Variants in BTBD9 observed in about 807,000 individuals in gnomAD.
BTBD9 encodes the protein BTB domain containing 9.
BTBD9 carries 49 observed loss-of-function variants against 64.3 expected under a neutral mutation model. The observed-to-expected ratio is 0.76, with a 90% CI of 0.61 to 0.97. The LOEUF is 0.97. Among genes scored for constraint, BTBD9 ranks in the 50% least tolerant of loss-of-function variants. The pLI is 0.00. For missense variants in BTBD9, 598 were observed against 762.1 expected (o/e 0.78, Z 2.53); for synonymous variants, 260 against 274.7 (o/e 0.95, Z 0.53).
intron 9 of BTBD9, among the ~76,000 whole-genome samples, chr6:38,235,302 G>C (rs1763739901): frequency 6.6e-6 from 1 of 152,184 alleles, no homozygotes; most frequent in African/African-American, 2.4e-5. Flanking sequence ...CAGTAAAATG[G>C]GAGTCTTGAG....
At chr6:38,521,770 G>A (rs1033074511) in intron 6 of BTBD9, among the ~76,000 whole-genome samples, 1 of 151,904 alleles carries the variant, frequency 6.6e-6, no homozygotes, top group Non-Finnish European at 1.5e-5. Context: ...TGCCTCCTGC[G>A]TTTAAGCAAT....
chr6:38,194,534 A>G (rs9470825), intron 9 of BTBD9, among the ~76,000 whole-genome samples: 102,040 of 152,136 alleles, frequency 0.67, 35,342 homozygotes, highest in Non-Finnish European at 0.73. Context: ...CTTTTAGCTC[A>G]ATGCCTGTCA....
intron 7 of BTBD9, among the ~76,000 whole-genome samples, chr6:38,301,577 GT>G (rs1762405162): frequency 6.6e-6 from 1 of 152,094 alleles, no homozygotes; most frequent in South Asian, 2.1e-4. Flanking sequence ...CTTCTTCCTG[GT>G]TTAGTCTTGG....
At chr6:38,395,835 G>A (rs984465994) in intron 6 of BTBD9, among the ~76,000 whole-genome samples, 4 of 151,728 alleles carry the variant, frequency 2.6e-5, no homozygotes, top group Non-Finnish European at 4.4e-5. Context: ...TCAGCCTCTC[G>A]AGTAGCTGGG....
chr6:38,443,965 T>A (rs1769157706), intron 6 of BTBD9, among the ~76,000 whole-genome samples: 1 of 152,174 alleles, frequency 6.6e-6, no homozygotes, highest in African/African-American at 2.4e-5. Context: ...GTTTCCTGCC[T>A]CTACAGGCTG....
rs541774965 is a variant in BTBD9, at chr6:38,435,151, A to G, written c.1155-90058T>C. Reference sequence around the variant, plus strand: ...AGAGGTTGCAGTGAGCTGAGATTGTACCACTGCACTCTAGCCTGGGCAACA... The same window carrying G: ...AGAGGTTGCAGTGAGCTGAGATTGTGCCACTGCACTCTAGCCTGGGCAACA... On this transcript the variant is annotated intron_variant, in intron 6 of 10. Coordinates refer to ENST00000481247, the MANE Select transcript of BTBD9 (RefSeq NM_001099272.2). Among the ~76,000 whole-genome samples the G allele has an allele frequency of 9.4e-4, 122 of 129,634 alleles. 3 individuals carry two copies. Among genetic ancestry groups the G allele is most frequent in the African/African-American group, 3.6e-3 (120 of 33,376 alleles). The allele number at this position is 129,634 out of a possible 152,430, so 85.0% of individuals were successfully genotyped here. A position where few individuals can be genotyped will look rare whatever the true frequency, so the allele number is the denominator to read the frequency against.
chr6:38,218,140 C>T (rs1405926340), intron 9 of BTBD9, among the ~76,000 whole-genome samples: 1 of 152,166 alleles, frequency 6.6e-6, no homozygotes, highest in Non-Finnish European at 1.5e-5. Context: ...ACCAGTATGT[C>T]ATACCTCTGG....
At chr6:38,633,430 T>C (rs1328876161) in intron 1 of BTBD9, among the ~76,000 whole-genome samples, 2 of 152,178 alleles carry the variant, frequency 1.3e-5, no homozygotes, top group South Asian at 2.1e-4. Context: ...AAACAGTATA[T>C]AGAAAGGGCC....
chr6:38,566,314 GAAGTC>G (rs144150098), intron 6 of BTBD9, among the ~76,000 whole-genome samples: 12,479 of 152,138 alleles, frequency 0.082, 578 homozygotes, highest in East Asian at 0.26. Flanking sequence ...AAATCTTAAA[GAAGTC>G]AAGTATATGA....
intron 6 of BTBD9, among the ~76,000 whole-genome samples, chr6:38,444,361 A>G (rs562396492): frequency 1.4e-4 from 21 of 152,360 alleles, no homozygotes; most frequent in African/African-American, 4.8e-4. Flanking sequence ...TAAAAGAATC[A>G]TATGGCTGGA....
chr6:38,346,690 A>C (rs919546919), intron 6 of BTBD9, among the ~76,000 whole-genome samples: 3 of 152,080 alleles, frequency 2.0e-5, no homozygotes, highest in Non-Finnish European at 4.4e-5. Flanking sequence ...ATTGTCCTTC[A>C]CTTTGGCAGT....
chr6:38,531,333 G>A (rs1344484919), intron 6 of BTBD9, among the ~76,000 whole-genome samples: 1 of 152,156 alleles, frequency 6.6e-6, no homozygotes, highest in African/African-American at 2.4e-5. Flanking sequence ...CTAAAACAGT[G>A]TACTCAGCAA....
In BTBD9 at chr6:38,168,520, C is replaced by T. The variant is rs140742704; in HGVS notation, c.*6465G>A. The T allele has an allele frequency of 1.6e-3, 247 of 152,398 alleles. No individual in the cohort carries two copies. The Middle Eastern group carries it at 0.02, about 13-fold the overall frequency. 9.4% of individuals were successfully genotyped at this position (152,398 alleles called of 1,614,324 possible). A position where few individuals can be genotyped will look rare whatever the true frequency, so the allele number is the denominator to read the frequency against. On this transcript the variant is annotated 3_prime_UTR_variant, in exon 11 of 11. Coordinates refer to ENST00000481247, the MANE Select transcript of BTBD9 (RefSeq NM_001099272.2). Reference sequence around the variant, plus strand: ...TTCACACACATGGACTCAGGGGTTTCGAACACACGGTTTGTACATCTGCCC... The same window carrying T: ...TTCACACACATGGACTCAGGGGTTTTGAACACACGGTTTGTACATCTGCCC...
At chr6:38,286,807 C>T (rs149967171) in intron 8 of BTBD9, among the ~76,000 whole-genome samples, 6 of 152,114 alleles carry the variant, frequency 3.9e-5, no homozygotes, top group South Asian at 4.2e-4. Context: ...GTTGGCTGGG[C>T]GCCATGGCTC....
intron 9 of BTBD9, among the ~76,000 whole-genome samples, chr6:38,223,374 T>C (rs1024949128): frequency 6.6e-6 from 1 of 152,134 alleles, no homozygotes; most frequent in Non-Finnish European, 1.5e-5. Flanking sequence ...TCACTCTGTG[T>C]CCCAGGCTAG....
At chr6:38,557,687 T>C (rs1289306208) in intron 6 of BTBD9, among the ~76,000 whole-genome samples, 3 of 152,022 alleles carry the variant, frequency 2.0e-5, no homozygotes, top group African/African-American at 7.3e-5. Flanking sequence ...ATGAGGACTC[T>C]GTCAGAATCC....
intron 9 of BTBD9, among the ~76,000 whole-genome samples, chr6:38,221,010 C>T (rs1019028188): frequency 6.6e-6 from 1 of 152,170 alleles, no homozygotes; most frequent in Non-Finnish European, 1.5e-5. Flanking sequence ...TTCTACTCAA[C>T]CAGGGTTACG....
At chr6:38,183,844 T>C (rs1761691373) in intron 10 of BTBD9, among the ~76,000 whole-genome samples, 1 of 152,188 alleles carries the variant, frequency 6.6e-6, no homozygotes, top group South Asian at 2.1e-4. Flanking sequence ...TGAGAGCTCA[T>C]TCCCTTTGGA....
At chr6:38,574,495 G>T (rs1375581292) in intron 6 of BTBD9, among the ~76,000 whole-genome samples, 1 of 152,138 alleles carries the variant, frequency 6.6e-6, no homozygotes, top group East Asian at 1.9e-4. Flanking sequence ...CTCACAGTGA[G>T]AGCTACCGTG....
Sources: allele counts gnomAD v4.1 joint callset (sites outside exome capture counted in the v4.1 genomes callset), GRCh38; gene constraint gnomAD v4.1.1; transcripts MANE v1.5; gene names NCBI Gene and HGNC (gene_info 2026-07-23, HGNC 2026-07-21).